UBE2W: variants seen among roughly 807,000 people sequenced by gnomAD.
UBE2W encodes ubiquitin-conjugating enzyme E2 W.
UBE2W carries 18 observed loss-of-function variants against 27.2 expected under a neutral mutation model. The ratio of observed to expected loss-of-function variants is 0.66; its 90% confidence interval spans 0.46 to 0.98. UBE2W has a LOEUF of 0.98. UBE2W is among the 50% of genes least tolerant of loss of function. UBE2W has a pLI of 0.00. For synonymous variants in UBE2W, 53 were observed against 57.2 expected (o/e 0.93, Z 0.33); for missense variants, 90 against 180.2 (o/e 0.50, Z 2.87).
At chr8:73,860,213 T>C (rs1811484358) in intron 1 of UBE2W, among the ~76,000 whole-genome samples, 2 of 152,114 alleles carry the variant, frequency 1.3e-5, no homozygotes, top group African/African-American at 2.4e-5. Flanking sequence ...CAACCAAATA[T>C]TAACTGGGCT....
intron 2 of UBE2W, among the ~76,000 whole-genome samples, chr8:73,826,653 G>A (rs1366221330): frequency 6.6e-6 from 1 of 152,126 alleles, no homozygotes; most frequent in Non-Finnish European, 1.5e-5. Context: ...TACGACCACA[G>A]ACCCAAGAGA....
At position 73,867,331 on chromosome 8, in the gene UBE2W, TAG is replaced by T. The variant is rs77498672; in HGVS notation, c.15+11475_15+11476del. 8.2e-3 allele frequency among the ~76,000 whole-genome samples: 1,243 copies of T among 152,204 alleles called. 6 individuals are homozygous for T. The highest frequency in any genetic ancestry group is 0.02 in the Middle Eastern group (6 of 294). On this transcript the variant is annotated intron_variant, in intron 1 of 5. Coordinates refer to ENST00000602593, the MANE Select transcript of UBE2W (RefSeq NM_018299.6). ...GCGGACGGATCACAAGCTCAAGAGA[TAG>T]AGACTATCCTGGCCAACACGGTGAA...
chr8:73,829,081 G>A (rs1479029730), intron 2 of UBE2W, among the ~76,000 whole-genome samples: 13 of 151,990 alleles, frequency 8.6e-5, no homozygotes, highest in Admixed American at 7.2e-4. Context: ...CCAATATCTC[G>A]ATATAATAGG....
intron 2 of UBE2W, among the ~76,000 whole-genome samples, chr8:73,827,737 C>T (rs958528402): frequency 2.0e-5 from 3 of 151,914 alleles, no homozygotes; most frequent in African/African-American, 7.3e-5. Context: ...ATGGGATCTC[C>T]CTATGTTGCC....
intron 1 of UBE2W, among the ~76,000 whole-genome samples, chr8:73,843,642 G>A (rs1449207926): frequency 1.3e-5 from 2 of 151,442 alleles, no homozygotes; most frequent in African/African-American, 2.4e-5. Flanking sequence ...CTCTTTAAAA[G>A]AAAAAAGAAA....
At chr8:73,808,258 CAG>C (rs1809004860) in intron 4 of UBE2W, among the ~76,000 whole-genome samples, 1 of 152,082 alleles carries the variant, frequency 6.6e-6, no homozygotes, top group African/African-American at 2.4e-5. Flanking sequence ...TTTTTTGAGA[CAG>C]AGTCTTGCTC....
chr8:73,864,768 G>A (rs1811679008), intron 1 of UBE2W, among the ~76,000 whole-genome samples: 1 of 131,122 alleles, frequency 7.6e-6, no homozygotes, highest in Admixed American at 7.6e-5. Context: ...GGGGGCGGGG[G>A]GGGCTGAGGG....
rs1808039992 is a variant in UBE2W at position 73,788,142 on chromosome 8, CTTTA to C, written c.*5956_*5959del. The C allele has an allele frequency of 1.0e-6, 1 of 981,052 alleles. No homozygotes were observed. Among genetic ancestry groups the C allele is most frequent in the South Asian group, 4.7e-5 (1 of 21,222 alleles). 60.8% of individuals were successfully genotyped at this position (981,052 alleles called of 1,614,324 possible). On this transcript the variant is annotated 3_prime_UTR_variant, in exon 6 of 6. Coordinates refer to ENST00000602593, the MANE Select transcript of UBE2W (RefSeq NM_018299.6). ...TACAGAAAAAATCCAATAACAACTGCTTTATTATTAAAAGTTATGAAATTCCATA... is the reference window on the plus strand; with the variant it reads ...TACAGAAAAAATCCAATAACAACTGCTTATTAAAAGTTATGAAATTCCATA...
chr8:73,825,360 T>C, intron 2 of UBE2W, 111 bp from the exon 3 acceptor site: 1 of 691,938 alleles, frequency 1.4e-6, no homozygotes, highest in African/African-American at 1.8e-5. Context: ...CAAGAGTTGG[T>C]TATGTGTAAC....
At chr8:73,834,525 C>G (rs1810223760) in intron 1 of UBE2W, among the ~76,000 whole-genome samples, 1 of 152,112 alleles carries the variant, frequency 6.6e-6, no homozygotes. Context: ...GCCTGTAGTC[C>G]CAGCTACTCA....
intron 1 of UBE2W, among the ~76,000 whole-genome samples, chr8:73,869,637 G>A (rs1361537320): frequency 6.6e-6 from 1 of 152,162 alleles, no homozygotes; most frequent in African/African-American, 2.4e-5. Context: ...GTTGCAATGA[G>A]CCGAGATGGT....
At chr8:73,833,208 A>AAT (rs1165122865) in intron 1 of UBE2W, among the ~76,000 whole-genome samples, 1 of 149,684 alleles carries the variant, frequency 6.7e-6, no homozygotes, top group Non-Finnish European at 1.5e-5. Flanking sequence ...AAAAAAAAAA[A>AAT]GCCATAGTTC....
Position 73,787,583 on chromosome 8 carries a change from A to G in UBE2W, c.*6519T>C. 1.0e-6 allele frequency: 1 copy of G among 985,462 alleles called. No homozygotes were observed. Among genetic ancestry groups the G allele is most frequent in the Non-Finnish European group, 1.2e-6 (1 of 829,936 alleles). The allele number at this position is 985,462 out of a possible 1,614,324, so 61.0% of individuals were successfully genotyped here. A position where few individuals can be genotyped will look rare whatever the true frequency, so the allele number is the denominator to read the frequency against. On this transcript the variant is annotated 3_prime_UTR_variant, in exon 6 of 6. Transcript: ENST00000602593. ...TGAGGACTAAGGTGCTCCTGGGGCA[A>G]GCAGATCCCCTGCAGAAAAGCTTAG... is the stretch of plus-strand genomic sequence containing the variant.
chr8:73,878,627 C>A (rs570901986), intron 1 of UBE2W, among the ~76,000 whole-genome samples, 181 bp downstream of exon 1: 179 of 152,302 alleles, frequency 1.2e-3, no homozygotes, highest in Middle Eastern at 6.8e-3. Flanking sequence ...CCGCACCCCC[C>A]ACAACGCCTC....
chr8:73,798,159 G>A (rs1808497186), intron 5 of UBE2W, among the ~76,000 whole-genome samples: 3 of 152,106 alleles, frequency 2.0e-5, no homozygotes, highest in South Asian at 4.1e-4. Flanking sequence ...AGCTAGGCAT[G>A]GTGGTACGTT....
intron 1 of UBE2W, among the ~76,000 whole-genome samples, chr8:73,838,621 T>C (rs999393651): frequency 3.3e-5 from 5 of 152,198 alleles, no homozygotes; most frequent in Non-Finnish European, 7.3e-5. Context: ...AAAACTTTTT[T>C]CTGCTTGAAT....
intron 1 of UBE2W, among the ~76,000 whole-genome samples, chr8:73,866,948 T>C (rs1484021692): frequency 6.8e-6 from 1 of 148,078 alleles, no homozygotes; most frequent in African/African-American, 2.5e-5. Flanking sequence ...GAGGTTGCAG[T>C]GAGCCGAGAT....
chr8:73,813,295 A>G (rs1056592819), intron 3 of UBE2W, among the ~76,000 whole-genome samples: 3 of 152,196 alleles, frequency 2.0e-5, no homozygotes, highest in African/African-American at 7.2e-5. Flanking sequence ...AGTAGGCATG[A>G]ACCAAAAGGT....
chr8:73,787,789 G>C lies in UBE2W; in HGVS notation c.*6313C>G. 1.0e-6 allele frequency: 1 copy of C among 985,356 alleles called. No individual in the cohort carries two copies. The highest frequency in any genetic ancestry group is 1.2e-6 in the Non-Finnish European group (1 of 829,910). 61.0% of individuals were successfully genotyped at this position (985,356 alleles called of 1,614,324 possible). ...AAGTTCTTAGAGTATGCCCTTAATTGTACAACTTGAAGTTCAGGAACATCG... is the reference window on the plus strand; with the variant it reads ...AAGTTCTTAGAGTATGCCCTTAATTCTACAACTTGAAGTTCAGGAACATCG... On this transcript the variant is annotated 3_prime_UTR_variant, in exon 6 of 6. Coordinates refer to ENST00000602593, the MANE Select transcript of UBE2W (RefSeq NM_018299.6).
Sources: gnomAD v4.1 joint callset for allele counts (sites outside exome capture counted in the v4.1 genomes callset) on GRCh38, gnomAD v4.1.1 for gene constraint, MANE v1.5 for transcripts, NCBI Gene and HGNC (gene_info 2026-07-23, HGNC 2026-07-21) for gene names.